BPIFB4: variants seen among roughly 807,000 people sequenced by gnomAD.
BPIFB4 encodes the protein BPI fold containing family B member 4.
Under a neutral mutation model 69.2 loss-of-function variants are expected in BPIFB4, and 62 were observed. The ratio of observed to expected loss-of-function variants is 0.90; its 90% CI spans 0.73 to 1.11. BPIFB4 has a LOEUF of 1.11. BPIFB4 is among the 50% of genes least tolerant of loss of function. The probability of loss-of-function intolerance (pLI) is 0.00; values close to 1 mark genes in which losing one functional copy is unlikely to be tolerated. For synonymous variants in BPIFB4, 330 were observed against 332.7 expected, an observed-to-expected ratio of 0.99 and a Z score of 0.09; for missense variants, 789 against 792.0, an observed-to-expected ratio of 1.00 and a Z score of 0.04.
At position 33,084,934 on chromosome 20, in the gene BPIFB4, GC is replaced by G. The variant is rs1569000520; in HGVS notation, c.721del (p.Leu241SerfsTer9). The G allele has an allele frequency of 1.2e-6, 2 of 1,611,128 alleles. No individual in the cohort carries two copies. The highest frequency in any genetic ancestry group is 1.7e-6 in the Non-Finnish European group (2 of 1,180,004). On this transcript the variant is annotated frameshift_variant, in exon 6 of 18. Coordinates refer to ENST00000375483, the MANE Select transcript of BPIFB4 (RefSeq NM_182519.3). LOFTEE classifies it high-confidence loss of function. ...TGACCCTCCCTCGGGTGTCCGTGCGGCTCCTGCCCGGCGTGGGTGTCTACCT... is the reference window on the plus strand; with the variant it reads ...TGACCCTCCCTCGGGTGTCCGTGCGGTCCTGCCCGGCGTGGGTGTCTACCT... Reference protein sequence around the residue: ...ELTLPRVSVRLLPGVGVYLSL... With the variant: ...ELTLPRVSVRXLPGVGVYLSL...
chr20:33,105,082 A>G (rs1289553777), intron 16 of BPIFB4, among the ~76,000 whole-genome samples: 2 of 151,996 alleles, frequency 1.3e-5, no homozygotes, highest in African/African-American at 2.4e-5. Flanking sequence ...TGTTTGGCTG[A>G]TTGTTTTATT....
intron 12 of BPIFB4, among the ~76,000 whole-genome samples, chr20:33,096,483 CA>C (rs1981756809): frequency 6.6e-6 from 1 of 152,150 alleles, no homozygotes; most frequent in Non-Finnish European, 1.5e-5. Flanking sequence ...CCATGTTGAC[CA>C]GGCTGGTCTC....
At chr20:33,094,878 T>C (rs1192509176) in intron 11 of BPIFB4, among the ~76,000 whole-genome samples, 1 of 152,224 alleles carries the variant, frequency 6.6e-6, no homozygotes, top group Non-Finnish European at 1.5e-5. Flanking sequence ...CTTGGTCAGC[T>C]TAAGTCAGCC....
At chr20:33,111,166 G>A (rs575363708) in intron 17 of BPIFB4, among the ~76,000 whole-genome samples, 1 of 152,180 alleles carries the variant, frequency 6.6e-6, no homozygotes, top group Non-Finnish European at 1.5e-5. Context: ...CTGTGAAGAG[G>A]GACTCAGGCC....
intron 11 of BPIFB4, among the ~76,000 whole-genome samples, chr20:33,093,683 A>G (rs542832533): frequency 1.3e-5 from 2 of 149,930 alleles, no homozygotes; most frequent in South Asian, 4.3e-4. Flanking sequence ...CTATCCATCC[A>G]TCCACCTATC....
intron 16 of BPIFB4, 54 bp downstream of exon 16, chr20:33,104,927 A>T (rs926721380): frequency 6.4e-7 from 1 of 1,557,902 alleles, no homozygotes; most frequent in Non-Finnish European, 8.8e-7. Context: ...GTACTGGGGG[A>T]TACTGGCTTG....
chr20:33,092,130 C>A (rs1981617138), intron 10 of BPIFB4, among the ~76,000 whole-genome samples: 1 of 152,068 alleles, frequency 6.6e-6, no homozygotes, highest in Non-Finnish European at 1.5e-5. Context: ...ACCTTGTAGA[C>A]CGTGGAGAGG....
intron 15 of BPIFB4, 71 bp downstream of exon 15, chr20:33,103,085 G>A: frequency 6.5e-7 from 1 of 1,532,310 alleles, no homozygotes; most frequent in South Asian, 1.1e-5. Flanking sequence ...TCCGGGAATG[G>A]TGTTCCTGTG....
chr20:33,079,748 A>C (rs1232337690), intron 1 of BPIFB4, 45 bp downstream of exon 1: 1 of 152,264 alleles, frequency 6.6e-6, no homozygotes, highest in Non-Finnish European at 1.5e-5. Flanking sequence ...CAGGGGAGGC[A>C]CAGGCCTGGG....
intron 10 of BPIFB4, among the ~76,000 whole-genome samples, 155 bp downstream of exon 10, chr20:33,090,954 A>G (rs7273967): frequency 0.3 from 45,747 of 152,208 alleles, 7,165 homozygotes; most frequent in Middle Eastern, 0.42. Flanking sequence ...GCTGTGTTAG[A>G]AAACATAATC....
intron 14 of BPIFB4, among the ~76,000 whole-genome samples, chr20:33,102,112 A>G (rs922984188): frequency 6.6e-6 from 1 of 152,186 alleles, no homozygotes; most frequent in African/African-American, 2.4e-5. Context: ...AGAGCTGGGT[A>G]TTTCCTGCAG....
At chr20:33,088,246 C>T (rs1981492122) in intron 7 of BPIFB4, among the ~76,000 whole-genome samples, 1 of 150,850 alleles carries the variant, frequency 6.6e-6, no homozygotes, top group Admixed American at 6.6e-5. Context: ...GAGGCTGAGG[C>T]AGGAGGATTT....
intron 17 of BPIFB4, 62 bp downstream of exon 17, chr20:33,107,882 C>A: frequency 7.1e-7 from 1 of 1,416,474 alleles, no homozygotes; most frequent in Non-Finnish European, 1.0e-6. Flanking sequence ...CACCTTTGAC[C>A]ACTGCATTCA....
intron 12 of BPIFB4, among the ~76,000 whole-genome samples, chr20:33,095,936 C>T (rs548591031): frequency 6.6e-6 from 1 of 152,264 alleles, no homozygotes; most frequent in East Asian, 1.9e-4. Context: ...TATTACCTTG[C>T]ACCTGGAAGC....
At chr20:33,081,222 C>T (rs1010423249) in intron 2 of BPIFB4, among the ~76,000 whole-genome samples, 3 of 152,302 alleles carry the variant, frequency 2.0e-5, no homozygotes, top group South Asian at 4.1e-4. Flanking sequence ...TACCCATCTC[C>T]CTGATGCTCA....
chr20:33,091,223 G>A (rs1981590229), intron 10 of BPIFB4, among the ~76,000 whole-genome samples: 2 of 152,170 alleles, frequency 1.3e-5, no homozygotes, highest in Non-Finnish European at 2.9e-5. Context: ...GAATAAATGT[G>A]GCCAGAGGTA....
At chr20:33,082,860 A>G (rs1600551652) in intron 3 of BPIFB4, 78 bp from the exon 4 acceptor site, 2 of 1,403,882 alleles carry the variant, frequency 1.4e-6, no homozygotes, top group African/African-American at 1.4e-5. Context: ...GAGCTGAGCA[A>G]CACTGCGAGG....
At chr20:33,098,174 T>C (rs374521167) in intron 13 of BPIFB4, among the ~76,000 whole-genome samples, 2 of 152,196 alleles carry the variant, frequency 1.3e-5, no homozygotes, top group African/African-American at 4.8e-5. Context: ...ATTAGTAAGA[T>C]GCTCAGAGCA....
intron 3 of BPIFB4, among the ~76,000 whole-genome samples, chr20:33,082,187 G>A (rs1007599870): frequency 6.6e-6 from 1 of 152,160 alleles, no homozygotes; most frequent in African/African-American, 2.4e-5. Flanking sequence ...GCTATCATGA[G>A]CATAAAAAAA....
Sources: allele counts gnomAD v4.1 joint callset (sites outside exome capture counted in the v4.1 genomes callset), GRCh38; gene constraint gnomAD v4.1.1; transcripts MANE v1.5; gene names NCBI Gene and HGNC (gene_info 2026-07-23, HGNC 2026-07-21).